Variants in SPOCK3 observed in about 807,000 individuals in gnomAD.
The protein encoded by SPOCK3 is SPARC (osteonectin), cwcv and kazal like domains proteoglycan 3, also known as testican-3.
Under a neutral mutation model 56.6 loss-of-function variants are expected in SPOCK3, and 30 were observed. The ratio of observed to expected loss-of-function variants is 0.53; its 90% confidence interval spans 0.40 to 0.72. SPOCK3 has a LOEUF of 0.72. Among genes scored for constraint, SPOCK3 ranks in the 30% least tolerant of loss-of-function variants. SPOCK3 has a pLI of 0.00. For missense variants in SPOCK3, 527 were observed against 530.0 expected (o/e 0.99, Z 0.06); for synonymous variants, 196 against 183.3 (o/e 1.07, Z -0.56).
chr4:167,150,114 C>G (rs915552641), intron 2 of SPOCK3, among the ~76,000 whole-genome samples: 1 of 152,048 alleles, frequency 6.6e-6, no homozygotes, highest in Non-Finnish European at 1.5e-5. Context: ...AGTAGATATT[C>G]CATAACTGTT....
chr4:167,151,687 G>T (rs1531945), intron 2 of SPOCK3, among the ~76,000 whole-genome samples: 1 of 151,718 alleles, frequency 6.6e-6, no homozygotes, highest in Non-Finnish European at 1.5e-5. Flanking sequence ...CGCCCGTCTC[G>T]GCCTCCCATA....
chr4:166,827,349 C>G (rs920968968), intron 6 of SPOCK3, among the ~76,000 whole-genome samples: 2 of 152,082 alleles, frequency 1.3e-5, no homozygotes, highest in African/African-American at 4.8e-5. Context: ...AAGAGATTTG[C>G]TGTTTACCTG....
chr4:167,107,666 C>T (rs1391727201), intron 2 of SPOCK3, among the ~76,000 whole-genome samples: 1 of 151,744 alleles, frequency 6.6e-6, no homozygotes, highest in Non-Finnish European at 1.5e-5. Context: ...AGTCAAATTC[C>T]TTGTTTGCTG....
At chr4:167,002,739 A>G (rs1042776784) in intron 3 of SPOCK3, among the ~76,000 whole-genome samples, 1 of 152,198 alleles carries the variant, frequency 6.6e-6, no homozygotes, top group African/African-American at 2.4e-5. Flanking sequence ...ATACTGCACT[A>G]CAAAAGTGTA....
chr4:166,946,044 T>C (rs905367614), intron 4 of SPOCK3, among the ~76,000 whole-genome samples: 1 of 151,996 alleles, frequency 6.6e-6, no homozygotes, highest in Non-Finnish European at 1.5e-5. Flanking sequence ...TAAAAATATA[T>C]ATTTATTATT....
At position 167,205,351 on chromosome 4, in the gene SPOCK3, A is replaced by AT. The variant is rs1734048156; in HGVS notation, c.189+28633_189+28634insA. Reference sequence around the variant, plus strand: ...AATATATATTATATATTATATATATAATATATATATTATATATTTTATATA... The same window carrying AT: ...AATATATATTATATATTATATATATATATATATATATTATATATTTTATATA... On this transcript the variant is annotated intron_variant, in intron 2 of 10. Transcript: ENST00000357545. Among the ~76,000 whole-genome samples, 3 of 31,858 alleles carry AT rather than the reference A, an allele frequency of 9.4e-5. 1 individual carries two copies. Among genetic ancestry groups the AT allele is most frequent in the South Asian group, 6.8e-4 (1 of 1,464 alleles). 20.9% of individuals were successfully genotyped at this position (31,858 alleles called of 152,430 possible). A position where few individuals can be genotyped will look rare whatever the true frequency, so the allele number is the denominator to read the frequency against.
chr4:167,198,854 T>C (rs1733223374), intron 2 of SPOCK3, among the ~76,000 whole-genome samples: 2 of 152,124 alleles, frequency 1.3e-5, no homozygotes, highest in African/African-American at 4.8e-5. Context: ...GCAAAAGTAA[T>C]AGATTTAAAT....
chr4:166,806,795 T>C (rs1337066564), intron 6 of SPOCK3, among the ~76,000 whole-genome samples: 1 of 151,990 alleles, frequency 6.6e-6, no homozygotes, highest in Non-Finnish European at 1.5e-5. Context: ...AGTAGTATAG[T>C]AGTCCCCCAA....
intron 2 of SPOCK3, among the ~76,000 whole-genome samples, chr4:167,084,685 G>A (rs143822398): frequency 6.6e-6 from 1 of 152,102 alleles, no homozygotes; most frequent in Non-Finnish European, 1.5e-5. Context: ...GGTATCTGAG[G>A]TGCCCACCCT....
At chr4:166,820,282 A>T (rs916578177) in intron 6 of SPOCK3, among the ~76,000 whole-genome samples, 1 of 152,100 alleles carries the variant, frequency 6.6e-6, no homozygotes. Flanking sequence ...CCATGTACAT[A>T]TATCAAAACA....
At chr4:166,929,898 A>G (rs953860663) in intron 4 of SPOCK3, among the ~76,000 whole-genome samples, 5 of 151,552 alleles carry the variant, frequency 3.3e-5, no homozygotes, top group Admixed American at 1.3e-4. Context: ...GTTTGCATCA[A>G]TTAAAAGTTA....
intron 7 of SPOCK3, among the ~76,000 whole-genome samples, chr4:166,770,219 G>A (rs779726752): frequency 2.0e-5 from 3 of 152,074 alleles, no homozygotes; most frequent in Non-Finnish European, 4.4e-5. Flanking sequence ...ATAAGCCCCA[G>A]TGAGATGAAC....
At chr4:167,162,250 AAACTT>A (rs1252869934) in intron 2 of SPOCK3, among the ~76,000 whole-genome samples, 1 of 152,092 alleles carries the variant, frequency 6.6e-6, no homozygotes, top group Non-Finnish European at 1.5e-5. Flanking sequence ...GTGTTACACT[AAACTT>A]AAATAAATCT....
intron 6 of SPOCK3, among the ~76,000 whole-genome samples, chr4:166,881,005 C>G (rs1163171851): frequency 1.3e-5 from 2 of 152,050 alleles, no homozygotes; most frequent in African/African-American, 2.4e-5. Context: ...TATTCCCTAT[C>G]TATTCATAGA....
intron 6 of SPOCK3, among the ~76,000 whole-genome samples, chr4:166,807,316 A>AAAC (rs1743276749): frequency 6.6e-6 from 1 of 151,928 alleles, no homozygotes; most frequent in Non-Finnish European, 1.5e-5. Context: ...CCTAAAAAAA[A>AAAC]AAAAAAAGAA....
intron 2 of SPOCK3, among the ~76,000 whole-genome samples, chr4:167,205,005 T>G (rs1733895961): frequency 7.0e-6 from 1 of 142,840 alleles, no homozygotes; most frequent in Admixed American, 7.4e-5. Flanking sequence ...CACCAGCTAT[T>G]TTTTTTTTTG....
chr4:166,959,663 G>T (rs2150054046), intron 4 of SPOCK3, among the ~76,000 whole-genome samples: 1 of 151,804 alleles, frequency 6.6e-6, no homozygotes, highest in Non-Finnish European at 1.5e-5. Context: ...AAAGGTAAGA[G>T]AGAAACACAA....
At chr4:166,982,122 C>T (rs944294246) in intron 4 of SPOCK3, among the ~76,000 whole-genome samples, 2 of 152,120 alleles carry the variant, frequency 1.3e-5, no homozygotes, top group African/African-American at 2.4e-5. Flanking sequence ...CAGCAGGGGG[C>T]CAGGCTCTCT....
At chr4:167,127,628 G>A (rs35379234) in intron 2 of SPOCK3, among the ~76,000 whole-genome samples, 79,169 of 151,854 alleles carry the variant, frequency 0.52, 20,914 homozygotes, top group East Asian at 0.67. Flanking sequence ...GGGTTCCACC[G>A]TGTTGGCCAG....
Sources: gnomAD v4.1 joint callset for allele counts (sites outside exome capture counted in the v4.1 genomes callset) on GRCh38, gnomAD v4.1.1 for gene constraint, MANE v1.5 for transcripts, NCBI Gene and HGNC (gene_info 2026-07-23, HGNC 2026-07-21) for gene names.